RUVBL1: variants seen among roughly 807,000 people sequenced by gnomAD.
RUVBL1 encodes ruvB-like 1.
RUVBL1 carries 4 observed loss-of-function variants against 52.4 expected under a neutral mutation model. That is an observed-to-expected ratio of 0.08 (90% CI 0.04 to 0.17). The LOEUF (loss-of-function observed/expected upper bound fraction) is 0.17. Ranked by LOEUF, RUVBL1 falls within the 10% of genes least tolerant of loss-of-function variation. RUVBL1 has a pLI of 1.00. For missense variants in RUVBL1, 298 were observed against 572.8 expected (o/e 0.52, Z 4.90); for synonymous variants, 217 against 214.4 (o/e 1.01, Z -0.10).
intron 9 of RUVBL1, chr3:128,068,663 C>T (rs1216733421): frequency 1.9e-5 from 3 of 154,110 alleles, no homozygotes; most frequent in Non-Finnish European, 2.9e-5. Context: ...GAGTTTGGGC[C>T]AGAGGTGATG....
chr3:128,141,684 C>T (rs757336366), intron 1 of RUVBL1, among the ~76,000 whole-genome samples: 5 of 152,080 alleles, frequency 3.3e-5, no homozygotes, highest in African/African-American at 4.8e-5. Context: ...TTAGTAGAGA[C>T]GGGGTTTCAC....
chr3:128,065,253 TA>T, intron 9 of RUVBL1: 1 of 634,762 alleles, frequency 1.6e-6, no homozygotes, highest in South Asian at 1.8e-5. Context: ...AAGGCAGTTC[TA>T]ACGTAAGTGA....
chr3:128,123,568 G>A lies in RUVBL1; in HGVS notation c.141+16C>T, dbSNP rs746690897. The A allele has an allele frequency of 6.3e-6, 10 of 1,588,128 alleles. No homozygotes were observed. In the Admixed American group the frequency reaches 1.4e-4, roughly 21 times the overall value. ...CCCTGCTTGCAGCCCCCAACTCCCT[G>A]GTCCACTGGCCACACCTCTCGCGCG... On this transcript the variant is annotated intron_variant, in intron 1 of 10. Transcript: ENST00000322623.
intron 7 of RUVBL1, 120 bp downstream of exon 7, chr3:128,098,762 A>T: frequency 1.2e-6 from 1 of 834,156 alleles, no homozygotes; most frequent in Non-Finnish European, 2.0e-6. Flanking sequence ...GCTATGAGGA[A>T]GAAAGAACTG....
chr3:128,100,461 A>T, intron 6 of RUVBL1, 134 bp downstream of exon 6: 1 of 1,019,844 alleles, frequency 9.8e-7, no homozygotes. Context: ...GTCGATGTTA[A>T]TTGCTGAACA....
At chr3:128,153,263 C>T in exon 1 of RUVBL1, 1 of 1,351,250 alleles carries the variant, frequency 7.4e-7, no homozygotes, top group Non-Finnish European at 9.4e-7. Context: ...CTCCTAGAGG[C>T]TTCAGGCAGG....
chr3:128,124,752 G>A (rs1342459856), upstream of RUVBL1, among the ~76,000 whole-genome samples: 1 of 152,204 alleles, frequency 6.6e-6, no homozygotes, highest in Non-Finnish European at 1.5e-5. Flanking sequence ...GTGGCGAGAA[G>A]ACCAGAGCAG....
In RUVBL1 at chr3:128,094,283, A is replaced by G. The variant is rs148059003; in HGVS notation, c.1016+3017T>C. On this transcript the variant is annotated intron_variant, in intron 8 of 10. Transcript: ENST00000322623. ...TGCTCCATAAAACACAATGGCCATCAGAGAGTGGGCTCACTTCTGAGGCTC... is the reference window on the plus strand; with the variant it reads ...TGCTCCATAAAACACAATGGCCATCGGAGAGTGGGCTCACTTCTGAGGCTC... 1.6e-3 allele frequency among the ~76,000 whole-genome samples: 249 copies of G among 152,336 alleles called. 1 individual carries two copies. Among genetic ancestry groups the G allele is most frequent in the African/African-American group, 5.6e-3 (231 of 41,578 alleles).
In RUVBL1 at chr3:128,098,922, C is replaced by T. The variant is rs758610032; in HGVS notation, c.777G>A (p.Met259Ile). 4.8e-5 allele frequency: 77 copies of T among 1,613,964 alleles called. No individual in the cohort carries two copies. Among genetic ancestry groups the T allele is most frequent in the Non-Finnish European group, 6.0e-5 (71 of 1,179,996 alleles). Reference protein sequence around the residue: ...RPQGGQDILSMMGQLMKPKKT... With the variant: ...RPQGGQDILSIMGQLMKPKKT... ...TCTTTGGCTTCATTAGCTGGCCCATCATGGACAGGATATCTTGTCCCCCCT... is the reference window on the plus strand; with the variant it reads ...TCTTTGGCTTCATTAGCTGGCCCATTATGGACAGGATATCTTGTCCCCCCT... Residue 259 changes from methionine to isoleucine, a missense_variant, in exon 7 of 11, where the codon ATG (methionine) becomes ATA (isoleucine). This residue lies in a region of RUVBL1 where 161 missense variants were observed against 298.3 expected (regional missense o/e 0.54). Coordinates refer to ENST00000322623, the MANE Select transcript of RUVBL1 (RefSeq NM_003707.3).
chr3:128,153,216 A>C (rs1944280926), exon 1 of RUVBL1: 1 of 1,317,880 alleles, frequency 7.6e-7, no homozygotes, highest in South Asian at 2.0e-5. Context: ...GAAAGTCCAA[A>C]TGGCTTCACT....
intron 9 of RUVBL1, chr3:128,083,581 A>T (rs1202106889): frequency 6.6e-6 from 1 of 152,268 alleles, no homozygotes; most frequent in Non-Finnish European, 1.5e-5. Context: ...GGGACAGCAC[A>T]TTGGCTGCCC....
chr3:128,102,599 C>T (rs1943130511), intron 4 of RUVBL1, among the ~76,000 whole-genome samples: 1 of 152,220 alleles, frequency 6.6e-6, no homozygotes, highest in Non-Finnish European at 1.5e-5. Flanking sequence ...CAAAAAAAGA[C>T]ATACACTGTA....
At position 128,094,827 on chromosome 3, in the gene RUVBL1, G is replaced by A. The variant is rs547428503; in HGVS notation, c.1016+2473C>T. On this transcript the variant is annotated intron_variant, in intron 8 of 10. Transcript: ENST00000322623. ...GGAAGCCCTGTAGTTCCCCTCTAGGGGTGGAGTCTGTGGGAAGCATATCAG... is the reference window on the plus strand; with the variant it reads ...GGAAGCCCTGTAGTTCCCCTCTAGGAGTGGAGTCTGTGGGAAGCATATCAG... 1.2e-4 allele frequency among the ~76,000 whole-genome samples: 18 copies of A among 152,306 alleles called. 1 individual carries two copies. The South Asian group carries it at 3.5e-3, about 30-fold the overall frequency.
At position 128,082,446 on chromosome 3, in the gene RUVBL1, C is replaced by A. The variant is rs759403014; in HGVS notation, c.1211+37G>T. ...GACCCCAGCGAGGGCCCTGGCTGTGCTGGGGAGGCCCCGGCGGGCCCAGGG... is the reference window on the plus strand; with the variant it reads ...GACCCCAGCGAGGGCCCTGGCTGTGATGGGGAGGCCCCGGCGGGCCCAGGG... On this transcript the variant is annotated intron_variant, in intron 10 of 10. Transcript: ENST00000322623. This position sits in a 1 kb window ranked among gnomAD's most constrained non-coding sequence, Gnocchi z 4.7. The A allele has an allele frequency of 6.5e-7, 1 of 1,530,024 alleles. No homozygotes were observed. The highest frequency in any genetic ancestry group is 1.1e-5 in the South Asian group (1 of 89,310). 94.8% of individuals were successfully genotyped at this position (1,530,024 alleles called of 1,614,324 possible). A position where few individuals can be genotyped will look rare whatever the true frequency, so the allele number is the denominator to read the frequency against.
chr3:128,079,935 T>C (rs979843312), downstream of RUVBL1, among the ~76,000 whole-genome samples: 1 of 152,250 alleles, frequency 6.6e-6, no homozygotes, highest in Non-Finnish European at 1.5e-5. Flanking sequence ...CAGTCTGAAC[T>C]AGCACAAGGA....
chr3:128,123,885 G>A, upstream of RUVBL1: 13 of 1,287,178 alleles, frequency 1.0e-5, no homozygotes, highest in Non-Finnish European at 1.3e-5. Context: ...CTCTCCATAG[G>A]CTCACGGCTG....
At chr3:128,147,759 C>A (rs1944125845) in intron 1 of RUVBL1, among the ~76,000 whole-genome samples, 1 of 152,184 alleles carries the variant, frequency 6.6e-6, no homozygotes, top group African/African-American at 2.4e-5. Context: ...TTGGTATTTA[C>A]CTGAGTGAAA....
chr3:128,139,973 C>T lies in RUVBL1; in HGVS notation c.-40+13230G>A, dbSNP rs191073114. On this transcript the variant is annotated intron_variant, in intron 1 of 9. Coordinates refer to the RUVBL1 transcript ENST00000464873. ...AATCTAGTGTTTGATAGCACAGCAG[C>T]GTGACTATAGTCAACAATAACTTAT... Among the ~76,000 whole-genome samples the T allele has an allele frequency of 4.1e-4, 62 of 152,048 alleles. 1 individual carries two copies. In the East Asian group the frequency reaches 8.5e-3, roughly 21 times the overall value.
chr3:128,101,352 C>T (rs185045278), intron 5 of RUVBL1, among the ~76,000 whole-genome samples: 436 of 152,174 alleles, frequency 2.9e-3, no homozygotes, highest in Non-Finnish European at 4.5e-3. Flanking sequence ...CTGTTTTAAT[C>T]GCGAGAAGGT....
Sources: allele counts gnomAD v4.1 joint callset (sites outside exome capture counted in the v4.1 genomes callset), GRCh38; gene constraint gnomAD v4.1.1; regional missense constraint gnomAD v4.1.1; non-coding constraint Gnocchi (gnomAD v3.1); transcripts MANE v1.5; gene names NCBI Gene and HGNC (gene_info 2026-07-23, HGNC 2026-07-21).